Variants in WDR25 observed in about 807,000 individuals in gnomAD.
The protein encoded by WDR25 is WD repeat-containing protein 25.
Under a neutral mutation model 47.7 loss-of-function variants are expected in WDR25, and 35 were observed. The observed-to-expected ratio is 0.73, with a 90% CI of 0.56 to 0.97. The LOEUF (loss-of-function observed/expected upper bound fraction) is 0.97. Ranked by LOEUF, WDR25 falls within the 50% of genes least tolerant of loss-of-function variation. The pLI, the probability that WDR25 is intolerant of heterozygous loss-of-function variation, is 0.00. For synonymous variants in WDR25, 248 were observed against 278.9 expected (o/e 0.89, Z 1.10); for missense variants, 634 against 704.7 (o/e 0.90, Z 1.14).
At chr14:100,522,237 T>A (rs190602456) in intron 4 of WDR25, among the ~76,000 whole-genome samples, 87 of 152,354 alleles carry the variant, frequency 5.7e-4, no homozygotes, top group African/African-American at 1.9e-3. Flanking sequence ...GTATTTTTTT[T>A]TAATTATTAT....
At chr14:100,526,611 G>A (rs750733163) in intron 5 of WDR25, among the ~76,000 whole-genome samples, 53 of 151,970 alleles carry the variant, frequency 3.5e-4, no homozygotes, top group Admixed American at 1.0e-3. Context: ...TGTCAGGCAC[G>A]GGGAATGCTT....
At chr14:100,412,539 C>T (rs569822995) in intron 2 of WDR25, among the ~76,000 whole-genome samples, 21 of 152,244 alleles carry the variant, frequency 1.4e-4, no homozygotes, top group African/African-American at 3.4e-4. Flanking sequence ...TATGCATGTG[C>T]GTCTACGTTA....
chr14:100,447,294 A>G (rs1305311147), intron 2 of WDR25, among the ~76,000 whole-genome samples: 3 of 152,212 alleles, frequency 2.0e-5, no homozygotes, highest in African/African-American at 7.2e-5. Flanking sequence ...TTTCTCAGAA[A>G]TGGACTGGAG....
chr14:100,434,008 G>C (rs1212227594), intron 2 of WDR25, among the ~76,000 whole-genome samples: 1 of 151,670 alleles, frequency 6.6e-6, no homozygotes, highest in East Asian at 1.9e-4. Context: ...GGGGGGTCAC[G>C]TGAGGCCGGG....
intron 2 of WDR25, among the ~76,000 whole-genome samples, chr14:100,396,470 C>G (rs187424715): frequency 6.6e-6 from 1 of 152,362 alleles, no homozygotes; most frequent in African/African-American, 2.4e-5. Context: ...GCCTGTCAAT[C>G]AAGCGCAGAG....
chr14:100,463,345 G>A (rs775362787), intron 2 of WDR25, among the ~76,000 whole-genome samples: 9 of 152,142 alleles, frequency 5.9e-5, no homozygotes, highest in South Asian at 2.1e-4. Context: ...CATTCTCAGC[G>A]GACCCACCCA....
rs368906873 is a variant in WDR25 at position 100,454,457 on chromosome 14, A to G, written c.823-13564A>G. The G allele has an allele frequency of 4.9e-5, 63 of 1,286,614 alleles. 1 individual carries two copies. In the African/African-American group the frequency reaches 7.6e-4, roughly 15 times the overall value. The allele number at this position is 1,286,614 out of a possible 1,614,324, so 79.7% of individuals were successfully genotyped here. ...AAATTGAAAATTATGTTTGGCTTCC[A>G]GTAATGAAGCAGTAGTTCTGGCAGA... On this transcript the variant is annotated intron_variant, in intron 2 of 6. Transcript: ENST00000402312.
chr14:100,515,733 A>AT (rs1459362444), intron 4 of WDR25, among the ~76,000 whole-genome samples: 5 of 150,180 alleles, frequency 3.3e-5, no homozygotes, highest in Non-Finnish European at 5.9e-5. Flanking sequence ...GGTTCAAGCA[A>AT]TTTTGCCTCA....
chr14:100,462,153 G>A (rs977813884), intron 2 of WDR25, among the ~76,000 whole-genome samples: 1 of 152,158 alleles, frequency 6.6e-6, no homozygotes, highest in Non-Finnish European at 1.5e-5. Flanking sequence ...AGGAACTCCT[G>A]GTGGGGCCAT....
At chr14:100,414,479 A>G (rs1468390463) in intron 2 of WDR25, among the ~76,000 whole-genome samples, 2 of 150,940 alleles carry the variant, frequency 1.3e-5, no homozygotes, top group Admixed American at 6.6e-5. Context: ...TGCCCGGCTA[A>G]TTTTTGTATT....
chr14:100,423,646 C>A (rs967805225), intron 2 of WDR25, among the ~76,000 whole-genome samples: 2 of 152,192 alleles, frequency 1.3e-5, no homozygotes, highest in African/African-American at 4.8e-5. Context: ...GAAAACGGAA[C>A]TTTTGACTAC....
chr14:100,408,368 A>G (rs1400226276), intron 2 of WDR25, among the ~76,000 whole-genome samples: 2 of 152,166 alleles, frequency 1.3e-5, no homozygotes, highest in African/African-American at 2.4e-5. Context: ...ATTTATTGAG[A>G]ACCCACTTAA....
chr14:100,429,671 C>G (rs1898270042), intron 2 of WDR25, among the ~76,000 whole-genome samples: 1 of 152,182 alleles, frequency 6.6e-6, no homozygotes, highest in African/African-American at 2.4e-5. Flanking sequence ...TCTCCCAGTT[C>G]TGTAGACTGG....
rs541969173 is a variant in WDR25, at chr14:100,529,161, G to C, written c.1366G>C (p.Val456Leu). 77 of 1,612,016 alleles carry C rather than the reference G, an allele frequency of 4.8e-5. No homozygotes were observed. The East Asian group carries it at 1.3e-3, about 26-fold the overall frequency. ...NGNYLALFST[V>L]WPYRMSRRRR... ...CAACTACCTGGCCCTTTTCTCCACTGTGTGGCCCTACCGGATGAGCAGACG... is the reference window on the plus strand; with the variant it reads ...CAACTACCTGGCCCTTTTCTCCACTCTGTGGCCCTACCGGATGAGCAGACG... Residue 456 changes from valine (V) to leucine (L), a missense_variant, in exon 6 of 7, where the codon GTG (valine) becomes CTG (leucine). Transcript: ENST00000402312. The surrounding 1 kb of genome is among the most constrained non-coding windows in gnomAD (Gnocchi z 5.1).
chr14:100,525,778 A>G lies in WDR25; in HGVS notation c.1102-92A>G, dbSNP rs1164977407. On this transcript the variant is annotated intron_variant, in intron 4 of 6. Coordinates refer to ENST00000402312, the MANE Select transcript of WDR25 (RefSeq NM_001161476.3). This position sits in a 1 kb window ranked among gnomAD's most constrained non-coding sequence, Gnocchi z 4.6. Reference sequence around the variant, plus strand: ...TGTGGCCCAGCATAAACTTCACTAAACCTGCCTGCCCCCTGGGTCCTTGGC... The same window carrying G: ...TGTGGCCCAGCATAAACTTCACTAAGCCTGCCTGCCCCCTGGGTCCTTGGC... 3 of 1,488,474 alleles carry G rather than the reference A, an allele frequency of 2.0e-6. No homozygotes were observed. The East Asian group carries it at 7.0e-5, about 35-fold the overall frequency. 92.2% of individuals were successfully genotyped at this position (1,488,474 alleles called of 1,614,324 possible).
chr14:100,509,993 G>T (rs1901248365), intron 4 of WDR25, among the ~76,000 whole-genome samples: 1 of 151,634 alleles, frequency 6.6e-6, no homozygotes, highest in African/African-American at 2.4e-5. Flanking sequence ...TTTGTAGGCT[G>T]GTTATGGTGG....
chr14:100,412,111 G>A (rs1897725781), intron 2 of WDR25, among the ~76,000 whole-genome samples: 1 of 151,692 alleles, frequency 6.6e-6, no homozygotes. Context: ...GGAGGCTGAG[G>A]TGGGAGGATC....
chr14:100,488,938 AGGTGTTCAGGATAACCT>A lies in WDR25; in HGVS notation c.1101+4817_1101+4833del, dbSNP rs1900474509. Among the ~76,000 whole-genome samples, 1 of 152,196 alleles carries A rather than the reference AGGTGTTCAGGATAACCT, an allele frequency of 6.6e-6. No individual in the cohort carries two copies. ...TCCCCGACAGGGCCTGGACCAGAGC[AGGTGTTCAGGATAACCT>A]GGAGTGAGCTGATGGGGTCAGCCGC... On this transcript the variant is annotated intron_variant, in intron 4 of 6. Transcript: ENST00000402312. The surrounding 1 kb of genome is among the most constrained non-coding windows in gnomAD (Gnocchi z 4.2).
chr14:100,486,062 G>T (rs555956619), intron 4 of WDR25, among the ~76,000 whole-genome samples: 1 of 147,308 alleles, frequency 6.8e-6, no homozygotes, highest in Non-Finnish European at 1.5e-5. Flanking sequence ...AAAAAAAACC[G>T]CCAAAACACG....
Sources: gnomAD v4.1 joint callset for allele counts (sites outside exome capture counted in the v4.1 genomes callset) on GRCh38, gnomAD v4.1.1 for gene constraint, Gnocchi (gnomAD v3.1) non-coding constraint, MANE v1.5 for transcripts, NCBI Gene and HGNC (gene_info 2026-07-23, HGNC 2026-07-21) for gene names.